The following IGFBP7 variants were observed in gnomAD, a reference collection of about 807,000 sequenced individuals.
IGFBP7 encodes insulin like growth factor binding protein 7.
Under a neutral mutation model 29.4 loss-of-function variants are expected in IGFBP7, and 31 were observed. The observed-to-expected ratio is 1.05, with a 90% CI of 0.79 to 1.42. The LOEUF (loss-of-function observed/expected upper bound fraction) is 1.42. Among genes scored for constraint, IGFBP7 ranks in the 40% most tolerant of loss-of-function variants. The pLI, the probability that IGFBP7 is intolerant of heterozygous loss-of-function variation, is 0.00. For synonymous variants in IGFBP7, 172 were observed against 174.9 expected, an observed-to-expected ratio of 0.98 and a Z score of 0.13; for missense variants, 393 against 395.5, an observed-to-expected ratio of 0.99 and a Z score of 0.05.
At chr4:57,078,583 G>C (rs527934582) in intron 1 of IGFBP7, among the ~76,000 whole-genome samples, 1 of 151,780 alleles carries the variant, frequency 6.6e-6, no homozygotes, top group African/African-American at 2.4e-5. Flanking sequence ...GAAGAGCTTC[G>C]CTCCTGCTTA....
intron 1 of IGFBP7, among the ~76,000 whole-genome samples, chr4:57,094,594 A>G (rs1725718593): frequency 6.6e-6 from 1 of 152,196 alleles, no homozygotes; most frequent in African/African-American, 2.4e-5. Flanking sequence ...AGTCAAAACA[A>G]GGCTAGTTTA....
chr4:57,048,258 C>T (rs1445570645), intron 1 of IGFBP7, among the ~76,000 whole-genome samples: 1 of 151,566 alleles, frequency 6.6e-6, no homozygotes, highest in Non-Finnish European at 1.5e-5. Flanking sequence ...ACCGTGTTAC[C>T]CAGGATGGTC....
chr4:57,080,513 A>G (rs753166365), intron 1 of IGFBP7, among the ~76,000 whole-genome samples: 34 of 152,104 alleles, frequency 2.2e-4, no homozygotes, highest in Non-Finnish European at 4.3e-4. Flanking sequence ...TCCCATTTAG[A>G]GGAAGATTTT....
At chr4:57,108,944 TG>T (rs1027356157) in intron 1 of IGFBP7, among the ~76,000 whole-genome samples, 1 of 152,090 alleles carries the variant, frequency 6.6e-6, no homozygotes, top group Non-Finnish European at 1.5e-5. Context: ...CAGTGTATCC[TG>T]GGGACAAATT....
chr4:57,107,196 T>A (rs145957357), intron 1 of IGFBP7, among the ~76,000 whole-genome samples: 61 of 152,290 alleles, frequency 4.0e-4, no homozygotes, highest in African/African-American at 1.4e-3. Flanking sequence ...ACATCCCTGG[T>A]ATATAGCACC....
At chr4:57,092,274 T>G (rs1725660220) in intron 1 of IGFBP7, among the ~76,000 whole-genome samples, 2 of 152,206 alleles carry the variant, frequency 1.3e-5, no homozygotes, top group Non-Finnish European at 2.9e-5. Flanking sequence ...TATTTTGAAA[T>G]ATTTGATTGA....
chr4:57,070,270 A>C (rs1488942470), intron 1 of IGFBP7, among the ~76,000 whole-genome samples: 2 of 152,346 alleles, frequency 1.3e-5, no homozygotes, highest in Admixed American at 1.3e-4. Flanking sequence ...TTAAGAAAGT[A>C]ATTTTCTAAA....
At chr4:57,095,986 G>A (rs910674118) in intron 1 of IGFBP7, among the ~76,000 whole-genome samples, 3 of 152,054 alleles carry the variant, frequency 2.0e-5, no homozygotes, top group Non-Finnish European at 4.4e-5. Context: ...CCCAAGGACG[G>A]TTTAGACATT....
intron 1 of IGFBP7, among the ~76,000 whole-genome samples, chr4:57,043,465 A>G (rs566395065): frequency 6.6e-6 from 1 of 152,312 alleles, no homozygotes; most frequent in Admixed American, 6.5e-5. Context: ...CATTCAAAGG[A>G]CATAAAGTCT....
At chr4:57,052,009 C>T (rs2109755618) in intron 1 of IGFBP7, among the ~76,000 whole-genome samples, 1 of 152,224 alleles carries the variant, frequency 6.6e-6, no homozygotes, top group Admixed American at 6.5e-5. Context: ...TGGTGTAGGG[C>T]ACAGCAGAAA....
At chr4:57,090,690 C>T (rs1038790280) in intron 1 of IGFBP7, among the ~76,000 whole-genome samples, 1 of 151,844 alleles carries the variant, frequency 6.6e-6, no homozygotes, top group Non-Finnish European at 1.5e-5. Flanking sequence ...TACCCATACA[C>T]ACACAAAAAT....
chr4:57,051,886 A>G (rs914654607), intron 1 of IGFBP7, among the ~76,000 whole-genome samples: 18 of 152,224 alleles, frequency 1.2e-4, no homozygotes, highest in Non-Finnish European at 4.4e-5. Context: ...TTCAGAAATT[A>G]GACTTTCATC....
intron 1 of IGFBP7, among the ~76,000 whole-genome samples, chr4:57,103,960 A>G (rs1242370538): frequency 6.6e-6 from 1 of 152,024 alleles, no homozygotes; most frequent in Non-Finnish European, 1.5e-5. Flanking sequence ...TCTCCTCTCT[A>G]ACCAAACTTG....
chr4:57,054,615 G>A (rs868315357), intron 1 of IGFBP7, among the ~76,000 whole-genome samples: 2 of 137,188 alleles, frequency 1.5e-5, no homozygotes, highest in South Asian at 2.3e-4. Flanking sequence ...CTCCAGCCTG[G>A]CGACAGAGCG....
At chr4:57,033,134 G>C in intron 3 of IGFBP7, 61 bp downstream of exon 3, 1 of 1,180,980 alleles carries the variant, frequency 8.5e-7, no homozygotes, top group Non-Finnish European at 1.3e-6. Flanking sequence ...ACCTTTGCCA[G>C]GTCTGCTTAT....
At chr4:57,052,089 T>G (rs1048691440) in intron 1 of IGFBP7, among the ~76,000 whole-genome samples, 43 of 152,116 alleles carry the variant, frequency 2.8e-4, no homozygotes, top group African/African-American at 1.0e-3. Context: ...AAGTGGCATT[T>G]CCCAAGATGA....
At chr4:57,040,216 T>G (rs1724188312) in intron 2 of IGFBP7, among the ~76,000 whole-genome samples, 1 of 152,136 alleles carries the variant, frequency 6.6e-6, no homozygotes, top group South Asian at 2.1e-4. Context: ...CTCATCCATC[T>G]CCCAGCACTT....
intron 1 of IGFBP7, among the ~76,000 whole-genome samples, chr4:57,073,621 A>G (rs1302095007): frequency 3.3e-5 from 5 of 151,992 alleles, no homozygotes; most frequent in African/African-American, 1.2e-4. Context: ...ATAAATAAAT[A>G]AATAACAACA....
At chr4:57,063,333 G>T (rs1389985573) in intron 1 of IGFBP7, among the ~76,000 whole-genome samples, 2 of 152,100 alleles carry the variant, frequency 1.3e-5, no homozygotes, top group Admixed American at 6.5e-5. Context: ...CATTGAAATT[G>T]CTGCATACCC....
Sources: allele counts gnomAD v4.1 joint callset (sites outside exome capture counted in the v4.1 genomes callset), GRCh38; gene constraint gnomAD v4.1.1; transcripts MANE v1.5; gene names NCBI Gene and HGNC (gene_info 2026-07-23, HGNC 2026-07-21).